Variants in CCND1 observed in about 807,000 individuals in gnomAD.
CCND1 encodes G1/S-specific cyclin-D1.
CCND1 carries 9 observed loss-of-function variants against 26.1 expected under a neutral mutation model. The ratio of observed to expected loss-of-function variants is 0.35; its 90% CI spans 0.21 to 0.60. The LOEUF (loss-of-function observed/expected upper bound fraction) is 0.60. CCND1 is among the 20% of genes least tolerant of loss of function. The pLI is 0.79. For missense variants in CCND1, 335 were observed against 392.9 expected, an observed-to-expected ratio of 0.85 and a Z score of 1.25; for synonymous variants, 194 against 166.1, an observed-to-expected ratio of 1.17 and a Z score of -1.29.
intron 1 of CCND1, 35 bp downstream of exon 1, chr11:69,641,546 C>T (rs2120082182): frequency 6.2e-7 from 1 of 1,601,302 alleles, no homozygotes; most frequent in Non-Finnish European, 8.5e-7. Flanking sequence ...TAAGACTTCC[C>T]TGCAACTTGT....
At position 69,643,966 on chromosome 11, in the gene CCND1, G is replaced by A. The variant is rs2120094992; in HGVS notation, c.549G>A (p.Gln183=). The stretch of plus-strand genomic sequence containing the variant: ...AACAGATCATCCGCAAACACGCGCA[G>A]ACCTTCGTTGCCCTCTGTGCCACAG... ...ENKQIIRKHA[Q]TFVALCATDV... Residue 183 remains glutamine, a synonymous_variant, in exon 3 of 5, where the codon CAG becomes CAA. Transcript: ENST00000227507. The A allele has an allele frequency of 1.2e-6, 2 of 1,613,404 alleles. No individual in the cohort carries two copies. The highest frequency in any genetic ancestry group is 1.3e-5 in the African/African-American group (1 of 75,062).
rs1474879841 is a variant in CCND1, at chr11:69,653,563, C to T, written c.*2281C>T. On this transcript the variant is annotated 3_prime_UTR_variant, in exon 5 of 5. Coordinates refer to ENST00000227507, the MANE Select transcript of CCND1 (RefSeq NM_053056.3). Reference sequence around the variant, plus strand: ...TTCTGCCTGCTTTGGCGGGCAGACACGCGGGCGCGATCCCACACAGGCTGG... The same window carrying T: ...TTCTGCCTGCTTTGGCGGGCAGACATGCGGGCGCGATCCCACACAGGCTGG... 2.4e-5 allele frequency: 13 copies of T among 538,076 alleles called. No homozygotes were observed. Among genetic ancestry groups the T allele is most frequent in the East Asian group, 6.4e-5 (2 of 31,222 alleles). The allele number at this position is 538,076 out of a possible 1,614,324, so 33.3% of individuals were successfully genotyped here. A position where few individuals can be genotyped will look rare whatever the true frequency, so the allele number is the denominator to read the frequency against.
In CCND1 at chr11:69,651,597, C is replaced by T. The variant is rs1029900280; in HGVS notation, c.*315C>T. Reference sequence around the variant, plus strand: ...GGATTTTATACCCCAATAATCAACTCGTTTTTATATTAATGTACTTGTTTC... The same window carrying T: ...GGATTTTATACCCCAATAATCAACTTGTTTTTATATTAATGTACTTGTTTC... On this transcript the variant is annotated 3_prime_UTR_variant, in exon 5 of 5. Transcript: ENST00000227507. The T allele has an allele frequency of 4.9e-5, 14 of 288,226 alleles. No individual in the cohort carries two copies. The highest frequency in any genetic ancestry group is 1.9e-4 in the African/African-American group (9 of 46,798). 17.9% of individuals were successfully genotyped at this position (288,226 alleles called of 1,614,324 possible).
intron 3 of CCND1, among the ~76,000 whole-genome samples, chr11:69,645,738 A>G (rs917666436): frequency 3.9e-5 from 6 of 152,186 alleles, no homozygotes; most frequent in Admixed American, 3.9e-4. Flanking sequence ...AGGCGTGGGA[A>G]AGAGTCTAGG....
Position 69,654,158 on chromosome 11 carries a change from C to T in CCND1, c.*2876C>T. 1.4e-6 allele frequency: 1 copy of T among 697,614 alleles called. No homozygotes were observed. The highest frequency in any genetic ancestry group is 1.5e-5 in the South Asian group (1 of 67,222). 43.2% of individuals were successfully genotyped at this position (697,614 alleles called of 1,614,324 possible). On this transcript the variant is annotated 3_prime_UTR_variant, in exon 5 of 5. Coordinates refer to ENST00000227507, the MANE Select transcript of CCND1 (RefSeq NM_053056.3). This position sits in a 1 kb window ranked among gnomAD's most constrained non-coding sequence, Gnocchi z 6.3. ...CCTCCAGAACACGGCTCACGCTTAC[C>T]TCAACCATCCTGGCTGCGGCGTCTG...
intron 1 of CCND1, among the ~76,000 whole-genome samples, 183 bp downstream of exon 1, chr11:69,641,694 G>T (rs1317043651): frequency 6.6e-6 from 1 of 152,174 alleles, no homozygotes; most frequent in Non-Finnish European, 1.5e-5. Context: ...GGAAGGGGTG[G>T]GGGTGGGGGT....
rs1268054081 is a variant in CCND1, at chr11:69,653,815, G to A, written c.*2533G>A. On this transcript the variant is annotated 3_prime_UTR_variant, in exon 5 of 5. Transcript: ENST00000227507. ...ACAAGTGTGTCTTACGTGCCACCAC[G>A]GCGTTGTACCTGTAGGACTCTCATT... 1.6e-5 allele frequency: 5 copies of A among 311,260 alleles called. No homozygotes were observed. Among genetic ancestry groups the A allele is most frequent in the East Asian group, 9.7e-5 (2 of 20,694 alleles). The allele number at this position is 311,260 out of a possible 1,614,324, so 19.3% of individuals were successfully genotyped here.
At position 69,641,238 on chromosome 11, in the gene CCND1, C is replaced by A; in HGVS notation, c.-76C>A. 7.2e-7 allele frequency: 1 copy of A among 1,386,066 alleles called. No homozygotes were observed. The highest frequency in any genetic ancestry group is 1.0e-6 in the Non-Finnish European group (1 of 988,512). 85.9% of individuals were successfully genotyped at this position (1,386,066 alleles called of 1,614,324 possible). On this transcript the variant is annotated 5_prime_UTR_variant, in exon 1 of 5. Coordinates refer to ENST00000227507, the MANE Select transcript of CCND1 (RefSeq NM_053056.3). ...CAGAAGAGCGCGAGGGAGCGCGGGG[C>A]AGCAGAAGCGAGAGCCGAGCGCGGA...
chr11:69,647,016 C>T (rs959155036), intron 3 of CCND1, among the ~76,000 whole-genome samples: 1 of 152,138 alleles, frequency 6.6e-6, no homozygotes, highest in Non-Finnish European at 1.5e-5. Context: ...GGGACAGTCC[C>T]CAGGAAGCCC....
intron 4 of CCND1, among the ~76,000 whole-genome samples, chr11:69,648,858 G>C (rs1293014646): frequency 6.6e-6 from 1 of 152,180 alleles, no homozygotes; most frequent in Admixed American, 6.5e-5. Context: ...GCCGCCTCTT[G>C]GTGGTCTGCC....
intron 3 of CCND1, among the ~76,000 whole-genome samples, chr11:69,646,382 C>T (rs1565072210): frequency 6.6e-6 from 1 of 152,168 alleles, no homozygotes; most frequent in Non-Finnish European, 1.5e-5. Flanking sequence ...TTCTTCCCGG[C>T]CCCTCGCCGG....
chr11:69,646,473 C>T (rs866852005), intron 3 of CCND1, among the ~76,000 whole-genome samples: 32 of 152,244 alleles, frequency 2.1e-4, no homozygotes, highest in South Asian at 8.3e-4. Context: ...CCTGGCGGCC[C>T]GTGGGGGCCC....
rs1565073951 is a variant in CCND1, at chr11:69,651,685, T to C, written c.*403T>C. The C allele has an allele frequency of 4.2e-6, 1 of 240,234 alleles. No homozygotes were observed. Among genetic ancestry groups the C allele is most frequent in the Admixed American group, 5.6e-5 (1 of 17,962 alleles). 14.9% of individuals were successfully genotyped at this position (240,234 alleles called of 1,614,324 possible). ...CTCGGGAGAGGATTAGGTTCCATCCTTTACGTGTTTAAAAAAAAGCATAAA... is the reference window on the plus strand; with the variant it reads ...CTCGGGAGAGGATTAGGTTCCATCCCTTACGTGTTTAAAAAAAAGCATAAA... On this transcript the variant is annotated 3_prime_UTR_variant, in exon 5 of 5. Coordinates refer to ENST00000227507, the MANE Select transcript of CCND1 (RefSeq NM_053056.3).
chr11:69,642,959 T>TG (rs1212573209), intron 1 of CCND1, 72 bp from the exon 2 acceptor site: 23 of 1,099,050 alleles, frequency 2.1e-5, no homozygotes, highest in South Asian at 5.8e-5. Flanking sequence ...CCAAGCGCGA[T>TG]GGGGGGTGCG....
chr11:69,641,529 G>C lies in CCND1; in HGVS notation c.198+18G>C. 4 of 1,611,572 alleles carry C rather than the reference G, an allele frequency of 2.5e-6. No homozygotes were observed. Among genetic ancestry groups the C allele is most frequent in the Non-Finnish European group, 3.4e-6 (4 of 1,179,428 alleles). On this transcript the variant is annotated intron_variant, in intron 1 of 4. Coordinates refer to ENST00000227507, the MANE Select transcript of CCND1 (RefSeq NM_053056.3). ...TGCTGGAGGTGCGGGGCTTCGGGCGGCTCTCTTAAGACTTCCCTGCAACTT... is the reference window on the plus strand; with the variant it reads ...TGCTGGAGGTGCGGGGCTTCGGGCGCCTCTCTTAAGACTTCCCTGCAACTT...
chr11:69,644,164 C>T (rs1354175828), intron 3 of CCND1, 173 bp downstream of exon 3: 4 of 669,184 alleles, frequency 6.0e-6, no homozygotes, highest in Non-Finnish European at 1.1e-5. Flanking sequence ...GATTGTTTGT[C>T]GCGCTGGATG....
chr11:69,649,608 G>A (rs1855829822), intron 4 of CCND1, among the ~76,000 whole-genome samples: 1 of 152,242 alleles, frequency 6.6e-6, no homozygotes, highest in African/African-American at 2.4e-5. Flanking sequence ...CCACACACCA[G>A]TGACTTTTCG....
chr11:69,643,476 C>T (rs534720528), intron 2 of CCND1, among the ~76,000 whole-genome samples: 1 of 152,348 alleles, frequency 6.6e-6, no homozygotes, highest in South Asian at 2.1e-4. Context: ...GTTCGCGCCC[C>T]GCGGTGTGGC....
chr11:69,648,971 G>A (rs1346597181), intron 4 of CCND1, among the ~76,000 whole-genome samples: 2 of 152,228 alleles, frequency 1.3e-5, no homozygotes, highest in Non-Finnish European at 2.9e-5. Flanking sequence ...GACACTGGGA[G>A]TAGCGGCTGC....
Sources: allele counts gnomAD v4.1 joint callset (sites outside exome capture counted in the v4.1 genomes callset), GRCh38; gene constraint gnomAD v4.1.1; non-coding constraint Gnocchi (gnomAD v3.1); transcripts MANE v1.5; gene names NCBI Gene and HGNC (gene_info 2026-07-23, HGNC 2026-07-21).